The following PTPRG variants were observed in gnomAD, a reference collection of about 807,000 sequenced individuals.
PTPRG encodes receptor-type tyrosine-protein phosphatase gamma.
In PTPRG, 102 loss-of-function variants were observed where a neutral mutation model predicts 165.3. The ratio of observed to expected loss-of-function variants is 0.62; its 90% CI spans 0.53 to 0.73. PTPRG has a LOEUF of 0.73. Among genes scored for constraint, PTPRG ranks in the 30% least tolerant of loss-of-function variants. The probability of loss-of-function intolerance (pLI) is 0.00; values close to 1 mark genes in which losing one functional copy is unlikely to be tolerated. For synonymous variants in PTPRG, 675 were observed against 669.5 expected (o/e 1.01, Z -0.13); for missense variants, 1,866 against 1,861.4 (o/e 1.00, Z -0.05).
intron 2 of PTPRG, among the ~76,000 whole-genome samples, chr3:61,839,714 C>G (rs1179829127): frequency 6.6e-6 from 1 of 152,110 alleles, no homozygotes; most frequent in East Asian, 1.9e-4. Flanking sequence ...GGAAAATAAA[C>G]ATTTAGAGAA....
At chr3:62,206,138 A>G (rs1700224397) in intron 12 of PTPRG, among the ~76,000 whole-genome samples, 1 of 152,114 alleles carries the variant, frequency 6.6e-6, no homozygotes, top group Admixed American at 6.5e-5. Flanking sequence ...GGGAGTATTT[A>G]CAGTTTGAGA....
intron 1 of PTPRG, among the ~76,000 whole-genome samples, chr3:61,618,975 CAAAAAAAA>C (rs57427703): frequency 2.7e-5 from 2 of 72,948 alleles, no homozygotes; most frequent in Non-Finnish European, 5.9e-5. Flanking sequence ...GATCCTGTCT[CAAAAAAAA>C]AAAAAAAAAA....
At chr3:61,820,603 G>GTTTTTTTTTTTTTTTTTTTTTT (rs11329820) in intron 2 of PTPRG, among the ~76,000 whole-genome samples, 6 of 65,732 alleles carry the variant, frequency 9.1e-5, no homozygotes, top group African/African-American at 3.3e-4. Flanking sequence ...CTGTGTCTCT[G>GTTTTTTTTTTTTTTTTTTTTTT]TTTTTTTTTT....
At chr3:61,991,061 A>C (rs1399446580) in intron 3 of PTPRG, among the ~76,000 whole-genome samples, 2 of 152,156 alleles carry the variant, frequency 1.3e-5, no homozygotes, top group African/African-American at 4.8e-5. Flanking sequence ...TAGCGCAGTG[A>C]TTCCTGGCTT....
chr3:62,073,938 C>G (rs1701291892), intron 4 of PTPRG, among the ~76,000 whole-genome samples: 1 of 152,192 alleles, frequency 6.6e-6, no homozygotes, highest in African/African-American at 2.4e-5. Context: ...AGATTGAGTT[C>G]TGGACTGAGA....
chr3:62,264,455 C>T (rs1412145945), intron 17 of PTPRG, among the ~76,000 whole-genome samples: 3 of 152,146 alleles, frequency 2.0e-5, no homozygotes, highest in African/African-American at 4.8e-5. Flanking sequence ...CCAATTCCTC[C>T]TTCTCTCCAG....
intron 2 of PTPRG, among the ~76,000 whole-genome samples, chr3:61,959,419 C>G (rs1313139584): frequency 6.6e-6 from 1 of 152,138 alleles, no homozygotes; most frequent in Admixed American, 6.5e-5. Flanking sequence ...TGAAACTGTT[C>G]CACCTCAGAT....
At chr3:62,150,164 A>G (rs1188945719) in intron 6 of PTPRG, among the ~76,000 whole-genome samples, 3 of 152,232 alleles carry the variant, frequency 2.0e-5, no homozygotes, top group Non-Finnish European at 2.9e-5. Context: ...GTTTGCTAAC[A>G]GCTGCAGAAC....
rs1291179803 is a variant in PTPRG at position 62,233,457 on chromosome 3, A to G, written c.2375+2146A>G. Among the ~76,000 whole-genome samples, 1 of 152,010 alleles carries G rather than the reference A, an allele frequency of 6.6e-6. No homozygotes were observed. The highest frequency in any genetic ancestry group is 2.4e-5 in the African/African-American group (1 of 41,362). On this transcript the variant is annotated intron_variant, in intron 14 of 29. Coordinates refer to ENST00000474889, the MANE Select transcript of PTPRG (RefSeq NM_002841.4). This position sits in a 1 kb window ranked among gnomAD's most constrained non-coding sequence, Gnocchi z 4.7. ...GGCTTTGAAAGACAGGGTGCCCCCT[A>G]CCTCTGTCAGGCTTCTGCAGGAGGC...
intron 6 of PTPRG, among the ~76,000 whole-genome samples, chr3:62,133,565 A>G (rs2106929564): frequency 6.6e-6 from 1 of 152,298 alleles, no homozygotes; most frequent in East Asian, 1.9e-4. Context: ...CAATTGGAGC[A>G]AGTAGGATTT....
intron 2 of PTPRG, among the ~76,000 whole-genome samples, chr3:61,836,062 C>CAAAA (rs749017389): frequency 9.6e-6 from 1 of 103,630 alleles, no homozygotes; most frequent in African/African-American, 3.5e-5. Flanking sequence ...CCCCCCCCAC[C>CAAAA]AAAAAAAAAA....
intron 6 of PTPRG, among the ~76,000 whole-genome samples, chr3:62,140,455 A>G (rs1703881908): frequency 1.3e-5 from 2 of 152,232 alleles, no homozygotes; most frequent in Admixed American, 1.3e-4. Context: ...ATAGATTTAC[A>G]CAAAAGCAAA....
Position 61,797,593 on chromosome 3 carries a change from C to G in PTPRG, c.190+48611C>G, listed in dbSNP as rs542486179. ...CATTTATCTCCACACCCCCCCCCAC[C>G]CCCCCACCTCCCGCCTTCCTTTGTA... On this transcript the variant is annotated intron_variant, in intron 2 of 29. Transcript: ENST00000474889. 3.2e-4 allele frequency among the ~76,000 whole-genome samples: 48 copies of G among 148,666 alleles called. 1 individual carries two copies. The East Asian group carries it at 5.4e-3, about 17-fold the overall frequency.
intron 2 of PTPRG, among the ~76,000 whole-genome samples, chr3:61,752,785 C>CAAAAAAAAAAAAAAAAAAAA (rs749817659): frequency 1.4e-4 from 10 of 69,962 alleles, no homozygotes; most frequent in African/African-American, 3.9e-4. Context: ...AAGACTGTCT[C>CAAAAAAAAAAAAAAAAAAAA]AAAAAAAAAA....
At chr3:62,114,265 C>T (rs1310659363) in intron 5 of PTPRG, among the ~76,000 whole-genome samples, 1 of 152,130 alleles carries the variant, frequency 6.6e-6, no homozygotes, top group Admixed American at 6.5e-5. Flanking sequence ...CACCACTACA[C>T]TCCAGCCTGG....
chr3:61,830,905 A>G (rs2036270880), intron 2 of PTPRG, among the ~76,000 whole-genome samples: 1 of 152,192 alleles, frequency 6.6e-6, no homozygotes. Flanking sequence ...GTATAAATGC[A>G]TCAAAATTTG....
At chr3:61,681,089 T>C (rs1575586457) in intron 1 of PTPRG, among the ~76,000 whole-genome samples, 1 of 133,604 alleles carries the variant, frequency 7.5e-6, no homozygotes, top group Non-Finnish European at 1.6e-5. Flanking sequence ...AAGAAGAAAG[T>C]AACAATGTCC....
At chr3:61,600,863 T>C (rs1476691935) in intron 1 of PTPRG, among the ~76,000 whole-genome samples, 2 of 152,180 alleles carry the variant, frequency 1.3e-5, no homozygotes, top group African/African-American at 4.8e-5. Context: ...TTAAAATGTC[T>C]TAAAGTTGGG....
chr3:61,650,622 T>G (rs192416344), intron 1 of PTPRG, among the ~76,000 whole-genome samples: 3 of 152,278 alleles, frequency 2.0e-5, no homozygotes, highest in Non-Finnish European at 4.4e-5. Context: ...CTAACCAGAG[T>G]GCTCTTTTCC....
Sources: allele counts gnomAD v4.1 joint callset (sites outside exome capture counted in the v4.1 genomes callset), GRCh38; gene constraint gnomAD v4.1.1; non-coding constraint Gnocchi (gnomAD v3.1); transcripts MANE v1.5; gene names NCBI Gene and HGNC (gene_info 2026-07-23, HGNC 2026-07-21).